The following CSMD1 variants were observed in gnomAD, a reference collection of about 807,000 sequenced individuals.
CSMD1 encodes CUB and sushi domain-containing protein 1.
A neutral mutation model predicts 417.5 loss-of-function variants in CSMD1; 213 were observed. That is an observed-to-expected ratio of 0.51 (90% CI 0.46 to 0.57). The LOEUF (loss-of-function observed/expected upper bound fraction) is 0.57, where lower values mean the gene tolerates loss of function less well. CSMD1 is among the 20% of genes least tolerant of loss of function. The pLI, the probability that CSMD1 is intolerant of heterozygous loss-of-function variation, is 0.00. For missense variants in CSMD1, 6,923 were observed against 4,529.7 expected (o/e 1.53, Z -15.17); for synonymous variants, 2,862 against 1,736.8 (o/e 1.65, Z -16.11).
chr8:4,984,159 G>T (rs571179257), intron 1 of CSMD1, among the ~76,000 whole-genome samples: 1 of 152,158 alleles, frequency 6.6e-6, no homozygotes, highest in Admixed American at 6.5e-5. Flanking sequence ...TGTCCTGTTG[G>T]TATTACATCC....
At chr8:3,951,446 G>C (rs6989746) in intron 5 of CSMD1, among the ~76,000 whole-genome samples, 67 of 152,314 alleles carry the variant, frequency 4.4e-4, no homozygotes, top group African/African-American at 1.5e-3. Flanking sequence ...GTGGGATGTA[G>C]AGTGCTGTAT....
At chr8:3,019,622 G>C (rs1424826288) in intron 51 of CSMD1, among the ~76,000 whole-genome samples, 1 of 152,174 alleles carries the variant, frequency 6.6e-6, no homozygotes, top group Admixed American at 6.5e-5. Context: ...ATACAAACTA[G>C]ACCTTAACTG....
At chr8:4,686,303 T>C (rs189183426) in intron 1 of CSMD1, among the ~76,000 whole-genome samples, 21 of 152,322 alleles carry the variant, frequency 1.4e-4, no homozygotes, top group Admixed American at 1.4e-3. Context: ...AACGAACATA[T>C]ATGCAATCAT....
intron 3 of CSMD1, among the ~76,000 whole-genome samples, chr8:4,264,627 C>T (rs1314249448): frequency 5.3e-5 from 8 of 152,146 alleles, no homozygotes; most frequent in Non-Finnish European, 1.2e-4. Flanking sequence ...GGTTTCTCAC[C>T]TGCTGTCCCA....
At chr8:4,164,580 A>G (rs1206392396) in intron 3 of CSMD1, among the ~76,000 whole-genome samples, 2 of 152,204 alleles carry the variant, frequency 1.3e-5, no homozygotes, top group African/African-American at 4.8e-5. Context: ...ATCTTCTTGA[A>G]TGTTTTCATA....
intron 18 of CSMD1, among the ~76,000 whole-genome samples, chr8:3,371,945 G>C (rs1006744290): frequency 2.0e-5 from 3 of 152,180 alleles, no homozygotes; most frequent in African/African-American, 7.2e-5. Flanking sequence ...ACCTGCTATT[G>C]AGCAAGCTCT....
chr8:4,190,957 G>T (rs1022370279), intron 3 of CSMD1, among the ~76,000 whole-genome samples: 2 of 151,926 alleles, frequency 1.3e-5, no homozygotes, highest in Non-Finnish European at 2.9e-5. Context: ...GGAGAGTGGG[G>T]GGGGCGGGGA....
chr8:3,613,265 T>A, intron 8 of CSMD1: 1 of 422,290 alleles, frequency 2.4e-6, no homozygotes. Flanking sequence ...ATTCAATCCG[T>A]AATTAAAAAC....
At chr8:4,133,929 C>G (rs1474787015) in intron 3 of CSMD1, among the ~76,000 whole-genome samples, 2 of 152,110 alleles carry the variant, frequency 1.3e-5, no homozygotes, top group Non-Finnish European at 2.9e-5. Flanking sequence ...AGAATAAAAT[C>G]TTGATGTTTT....
intron 5 of CSMD1, among the ~76,000 whole-genome samples, chr8:3,784,452 A>T (rs117991343): frequency 5.3e-5 from 8 of 152,220 alleles, no homozygotes; most frequent in Non-Finnish European, 1.0e-4. Context: ...AAAGAGATAT[A>T]TAAGTTCCTG....
intron 5 of CSMD1, among the ~76,000 whole-genome samples, chr8:3,815,437 G>T (rs895057016): frequency 1.3e-5 from 2 of 152,082 alleles, no homozygotes; most frequent in African/African-American, 4.8e-5. Context: ...ATAATACACT[G>T]ACAGATATTG....
At chr8:4,472,412 T>C (rs73514646) in intron 2 of CSMD1, among the ~76,000 whole-genome samples, 1,591 of 152,244 alleles carry the variant, frequency 0.01, 26 homozygotes, top group African/African-American at 0.036. Flanking sequence ...TTAATACTTT[T>C]ATTTTAAAGG....
chr8:2,990,538 T>C (rs1213020884), intron 54 of CSMD1, among the ~76,000 whole-genome samples: 1 of 152,132 alleles, frequency 6.6e-6, no homozygotes. Flanking sequence ...ATATAGACTA[T>C]ACGATCGACT....
At chr8:4,079,599 C>T (rs564146339) in intron 3 of CSMD1, among the ~76,000 whole-genome samples, 5 of 152,266 alleles carry the variant, frequency 3.3e-5, no homozygotes, top group Admixed American at 1.3e-4. Flanking sequence ...TTAGGGAAAG[C>T]ATTAAAGATT....
At chr8:3,979,919 C>G (rs763207325) in intron 5 of CSMD1, among the ~76,000 whole-genome samples, 1 of 152,068 alleles carries the variant, frequency 6.6e-6, no homozygotes, top group Non-Finnish European at 1.5e-5. Context: ...CCATAAAGAC[C>G]CTTTGTCCTC....
At chr8:4,701,316 G>GTTT (rs1807528148) in intron 1 of CSMD1, among the ~76,000 whole-genome samples, 2 of 84,968 alleles carry the variant, frequency 2.4e-5, no homozygotes, top group Non-Finnish European at 4.2e-5. Flanking sequence ...TTCCTTTGAT[G>GTTT]CTTTTTTTTT....
chr8:3,003,625 G>A (rs1159961776), intron 52 of CSMD1, among the ~76,000 whole-genome samples: 2 of 152,154 alleles, frequency 1.3e-5, no homozygotes, highest in African/African-American at 4.8e-5. Context: ...ATGTTCTTGG[G>A]GCTGGGGATT....
chr8:3,296,551 G>T (rs965221258), intron 25 of CSMD1, among the ~76,000 whole-genome samples: 1 of 152,160 alleles, frequency 6.6e-6, no homozygotes, highest in Non-Finnish European at 1.5e-5. Context: ...GTGCTTGCTT[G>T]CTCTGTTGAC....
intron 23 of CSMD1, among the ~76,000 whole-genome samples, chr8:3,320,765 T>A (rs868622815): frequency 6.6e-6 from 1 of 152,136 alleles, no homozygotes; most frequent in Non-Finnish European, 1.5e-5. Flanking sequence ...TGCCAGCCCA[T>A]CCTCTCTGGG....
Sources: allele counts gnomAD v4.1 joint callset (sites outside exome capture counted in the v4.1 genomes callset), GRCh38; gene constraint gnomAD v4.1.1; transcripts MANE v1.5; gene names NCBI Gene and HGNC (gene_info 2026-07-23, HGNC 2026-07-21).